Variants in MYO3A observed in about 807,000 individuals in gnomAD.
MYO3A encodes myosin IIIA.
In MYO3A, 180 loss-of-function variants were observed where a neutral mutation model predicts 192.7. That is an observed-to-expected ratio of 0.93 (90% CI 0.83 to 1.06). The LOEUF is 1.06. MYO3A is among the 50% of genes least tolerant of loss of function. MYO3A has a pLI of 0.00. For missense variants in MYO3A, 1,896 were observed against 1,905.0 expected, an observed-to-expected ratio of 1.00 and a Z score of 0.09; for synonymous variants, 628 against 645.3, an observed-to-expected ratio of 0.97 and a Z score of 0.41.
chr10:26,150,497 G>C (rs897811841), intron 23 of MYO3A, among the ~76,000 whole-genome samples: 1 of 152,166 alleles, frequency 6.6e-6, no homozygotes, highest in Non-Finnish European at 1.5e-5. Flanking sequence ...AATTCAATTT[G>C]TTTAGTAAAT....
At chr10:26,187,866 C>T (rs1168079148) in intron 31 of MYO3A, among the ~76,000 whole-genome samples, 15 of 151,918 alleles carry the variant, frequency 9.9e-5, no homozygotes, top group Admixed American at 9.8e-4. Flanking sequence ...GTATATGTGC[C>T]ACATTTTCTT....
chr10:26,163,885 T>G (rs1385359077), intron 26 of MYO3A, among the ~76,000 whole-genome samples: 1 of 152,060 alleles, frequency 6.6e-6, no homozygotes, highest in African/African-American at 2.4e-5. Context: ...AAGCAACAAG[T>G]CATTAAATCA....
chr10:26,201,687 C>T (rs907342705), intron 33 of MYO3A, among the ~76,000 whole-genome samples: 2 of 137,822 alleles, frequency 1.5e-5, no homozygotes, highest in Non-Finnish European at 3.1e-5. Context: ...GAGACTCCGT[C>T]TCAAAAAAAA....
intron 4 of MYO3A, among the ~76,000 whole-genome samples, chr10:25,983,447 C>T (rs564197987): frequency 2.6e-4 from 40 of 151,988 alleles, no homozygotes; most frequent in African/African-American, 8.7e-4. Flanking sequence ...TTAATAGAGA[C>T]GGGGTTTCAC....
rs566647550 is a variant in MYO3A at position 26,209,395 on chromosome 10, C to G, written c.4731-2448C>G. 4.2e-4 allele frequency among the ~76,000 whole-genome samples: 64 copies of G among 152,320 alleles called. No individual in the cohort carries two copies. The South Asian group carries it at 8.1e-3, about 19-fold the overall frequency. On this transcript the variant is annotated intron_variant, in intron 34 of 34. Transcript: ENST00000642920. ...AAAAACATCCTTGACCCAATCCCCC[C>G]CTACAACCACCCATTTTTTCTGCTC...
At chr10:26,061,456 C>A (rs61849338) in intron 10 of MYO3A, among the ~76,000 whole-genome samples, 1 of 151,750 alleles carries the variant, frequency 6.6e-6, no homozygotes, top group African/African-American at 2.4e-5. Context: ...TTTTGCTGAG[C>A]ATGGAAGGAA....
intron 4 of MYO3A, among the ~76,000 whole-genome samples, chr10:25,970,486 A>G (rs1352235885): frequency 6.6e-6 from 1 of 152,024 alleles, no homozygotes; most frequent in African/African-American, 2.4e-5. Flanking sequence ...TATATTAGAA[A>G]AAAAAGATTT....
chr10:26,127,756 TA>T (rs35280151), intron 19 of MYO3A, among the ~76,000 whole-genome samples: 70,740 of 143,880 alleles, frequency 0.49, 17,402 homozygotes, highest in Middle Eastern at 0.6. Flanking sequence ...TGACCAATAG[TA>T]AAAAAAAAAA....
At chr10:26,011,209 G>C (rs530733764) in intron 6 of MYO3A, among the ~76,000 whole-genome samples, 1 of 151,994 alleles carries the variant, frequency 6.6e-6, no homozygotes, top group Admixed American at 6.6e-5. Flanking sequence ...TGTGTGAATC[G>C]CTTGAGCCAA....
intron 9 of MYO3A, among the ~76,000 whole-genome samples, chr10:26,024,892 T>C (rs551912676): frequency 6.6e-6 from 1 of 152,312 alleles, no homozygotes; most frequent in Admixed American, 6.5e-5. Flanking sequence ...CAGTTGTATT[T>C]AGCTTACCTG....
Position 26,145,534 on chromosome 10 carries a change from G to C in MYO3A, c.2505G>C (p.Lys835Asn), listed in dbSNP as rs779461653. The change falls in exon 22 of 35, where the codon AAG (lysine) becomes AAC (asparagine). Residue 835 changes from lysine to asparagine, a missense_variant and splice_region_variant. Transcript: ENST00000642920. ...LSFGIHHYAG[K>N]VLYNASGFLA... Reference sequence around the variant, plus strand: ...TTGGAATTCACCATTATGCAGGAAAGGTAAGAACTCTAAAGAATTATGACT... The same window carrying C: ...TTGGAATTCACCATTATGCAGGAAACGTAAGAACTCTAAAGAATTATGACT... 2.5e-6 allele frequency: 4 copies of C among 1,579,070 alleles called. No homozygotes were observed. The highest frequency in any genetic ancestry group is 4.5e-5 in the East Asian group (2 of 44,658).
At chr10:25,978,876 A>G (rs925670475) in intron 4 of MYO3A, among the ~76,000 whole-genome samples, 1 of 152,060 alleles carries the variant, frequency 6.6e-6, no homozygotes, top group Non-Finnish European at 1.5e-5. Context: ...TATCCCTTTG[A>G]TATGGTACTA....
chr10:25,954,782 A>G, intron 3 of MYO3A, 92 bp from the exon 4 acceptor site: 4 of 1,363,818 alleles, frequency 2.9e-6, no homozygotes, highest in East Asian at 2.3e-5. Context: ...CCTTGACATA[A>G]TGAAATTCTG....
At chr10:25,991,131 A>G (rs1481526548) in intron 4 of MYO3A, among the ~76,000 whole-genome samples, 1 of 152,220 alleles carries the variant, frequency 6.6e-6, no homozygotes, top group Admixed American at 6.5e-5. Flanking sequence ...TCCCACCAAC[A>G]GTGTAAAAGT....
intron 10 of MYO3A, among the ~76,000 whole-genome samples, chr10:26,029,321 C>T (rs1209298367): frequency 2.0e-5 from 3 of 152,122 alleles, no homozygotes; most frequent in African/African-American, 7.2e-5. Context: ...GGAAATTTTT[C>T]AGTTGTTCTT....
intron 20 of MYO3A, among the ~76,000 whole-genome samples, chr10:26,132,659 GAACTA>G (rs1321430326): frequency 2.4e-5 from 3 of 126,862 alleles, no homozygotes; most frequent in Admixed American, 1.5e-4. Flanking sequence ...ACTATTAACT[GAACTA>G]AAGTTTTTTT....
chr10:26,210,533 C>G (rs879677214), intron 34 of MYO3A, among the ~76,000 whole-genome samples: 2 of 152,190 alleles, frequency 1.3e-5, no homozygotes, highest in Non-Finnish European at 2.9e-5. Flanking sequence ...AAGCCACTAT[C>G]GGTCTTGCTT....
intron 6 of MYO3A, among the ~76,000 whole-genome samples, chr10:26,007,198 C>T (rs1351676954): frequency 6.7e-6 from 1 of 149,390 alleles, no homozygotes; most frequent in Non-Finnish European, 1.5e-5. Flanking sequence ...ATGCTAAAAA[C>T]TCTCAATAAA....
chr10:26,069,133 A>T (rs781615918), intron 12 of MYO3A, among the ~76,000 whole-genome samples: 1 of 152,096 alleles, frequency 6.6e-6, no homozygotes, highest in Non-Finnish European at 1.5e-5. Flanking sequence ...ACGGCTCTAC[A>T]TTAAATATTG....
Sources: allele counts gnomAD v4.1 joint callset (sites outside exome capture counted in the v4.1 genomes callset), GRCh38; gene constraint gnomAD v4.1.1; transcripts MANE v1.5; gene names NCBI Gene and HGNC (gene_info 2026-07-23, HGNC 2026-07-21).